Variants in RUBCN observed in about 807,000 individuals in gnomAD.
RUBCN encodes run domain Beclin-1-interacting and cysteine-rich domain-containing protein.
In RUBCN, 74 loss-of-function variants were observed where a neutral mutation model predicts 113.2. The ratio of observed to expected loss-of-function variants is 0.65; its 90% CI spans 0.54 to 0.79. The LOEUF (loss-of-function observed/expected upper bound fraction) is 0.79. RUBCN is among the 30% of genes least tolerant of loss of function. The pLI is 0.00. For synonymous variants in RUBCN, 480 were observed against 490.0 expected, an observed-to-expected ratio of 0.98 and a Z score of 0.27; for missense variants, 1,109 against 1,251.7, an observed-to-expected ratio of 0.89 and a Z score of 1.72.
Position 197,681,872 on chromosome 3 carries a change from A to G in RUBCN, c.2154T>C (p.Asn718=). 6.2e-7 allele frequency: 1 copy of G among 1,613,990 alleles called. No individual in the cohort carries two copies. Among genetic ancestry groups the G allele is most frequent in the Non-Finnish European group, 8.5e-7 (1 of 1,179,982 alleles). The part of the protein sequence containing the change: ...PTRKIAVAKQ[N]YRCAGCGIRT... Reference sequence around the variant, plus strand: ...GGATGCCACATCCTGCACAGCGGTAATTCTGCTTGGCCACGGCAATTTTCC... The same window carrying G: ...GGATGCCACATCCTGCACAGCGGTAGTTCTGCTTGGCCACGGCAATTTTCC... Residue 718 remains asparagine, a synonymous_variant, in exon 15 of 20, where the codon AAT becomes AAC. Coordinates refer to ENST00000296343, the MANE Select transcript of RUBCN (RefSeq NM_014687.4). This position sits in a 1 kb window ranked among gnomAD's most constrained non-coding sequence, Gnocchi z 5.5.
rs553911152 is a variant in RUBCN at position 197,669,334 on chromosome 3, C to T, written c.*5684G>A. 1.0e-3 allele frequency among the ~76,000 whole-genome samples: 159 copies of T among 152,342 alleles called. No individual in the cohort carries two copies. The highest frequency in any genetic ancestry group is 3.8e-3 in the African/African-American group (157 of 41,578). The stretch of plus-strand genomic sequence containing the variant: ...GGGATCCCACATGGCATTCAGTCAT[C>T]GTATCTGCTTAGTCTCCTCTCGTCC... On this transcript the variant is annotated 3_prime_UTR_variant, in exon 20 of 20. Coordinates refer to ENST00000296343, the MANE Select transcript of RUBCN (RefSeq NM_014687.4).
Position 197,700,947 on chromosome 3 carries a change from G to A in RUBCN, c.927C>T (p.Ser309=). Reference sequence around the variant, plus strand: ...CATCACCTGGGGAATCATTCTGGCTGCTGACCCAGGATGCCTCTATGGGGC... The same window carrying A: ...CATCACCTGGGGAATCATTCTGGCTACTGACCCAGGATGCCTCTATGGGGC... ...LTSPIEASWV[S]SQNDSPGDAS... Residue 309 remains serine, a synonymous_variant, in exon 7 of 20, where the codon AGC becomes AGT. Transcript: ENST00000296343. 6.2e-7 allele frequency: 1 copy of A among 1,614,212 alleles called. No homozygotes were observed. Among genetic ancestry groups the A allele is most frequent in the Non-Finnish European group, 8.5e-7 (1 of 1,180,044 alleles).
intron 11 of RUBCN, among the ~76,000 whole-genome samples, chr3:197,689,983 C>A (rs941163089): frequency 6.6e-6 from 1 of 152,190 alleles, no homozygotes; most frequent in East Asian, 1.9e-4. Flanking sequence ...GCCTCTGTAA[C>A]TATCACTCTC....
At chr3:197,707,426 G>GAA (rs142893067) in intron 2 of RUBCN, among the ~76,000 whole-genome samples, 3 of 151,492 alleles carry the variant, frequency 2.0e-5, no homozygotes, top group African/African-American at 7.3e-5. Flanking sequence ...TTTTGTTTGG[G>GAA]AAAAAAAATG....
chr3:197,672,037 C>A lies in RUBCN; in HGVS notation c.*2981G>T, dbSNP rs1719836992. The A allele has an allele frequency of 6.6e-6, 1 of 152,178 alleles. No homozygotes were observed. Among genetic ancestry groups the A allele is most frequent in the Non-Finnish European group, 1.5e-5 (1 of 68,044 alleles). 9.4% of individuals were successfully genotyped at this position (152,178 alleles called of 1,614,324 possible). A position where few individuals can be genotyped will look rare whatever the true frequency, so the allele number is the denominator to read the frequency against. On this transcript the variant is annotated 3_prime_UTR_variant, in exon 20 of 20. Transcript: ENST00000296343. ...GTTTATTAAAGATGACAATGAACTG[C>A]CAGGCTGCACAAGCACCACAGCAGG...
In RUBCN at chr3:197,701,007, C is replaced by T; in HGVS notation, c.867G>A (p.Leu289=). The T allele has an allele frequency of 6.2e-7, 1 of 1,614,150 alleles. No individual in the cohort carries two copies. Among genetic ancestry groups the T allele is most frequent in the Non-Finnish European group, 8.5e-7 (1 of 1,180,026 alleles). Residue 289 remains leucine, a synonymous_variant, in exon 7 of 20, where the codon TTG becomes TTA. Coordinates refer to ENST00000296343, the MANE Select transcript of RUBCN (RefSeq NM_014687.4). ...TACTGGAGCTCATTTCATTTGGGGT[C>T]AAAGGGGAATCCCTGGCTAGTGCAG... ...SVSALARDSP[L]TPNEMSSSTL...
intron 9 of RUBCN, 94 bp downstream of exon 9, chr3:197,695,772 T>C: frequency 8.9e-7 from 1 of 1,126,210 alleles, no homozygotes. Context: ...TACTGTAATC[T>C]ATACCCAAAA....
Position 197,682,734 on chromosome 3 carries a change from G to A in RUBCN, c.1981-119C>T, listed in dbSNP as rs115329956. The A allele has an allele frequency of 5.3e-4, 703 of 1,333,884 alleles. 1 individual carries two copies. In the African/African-American group the frequency reaches 8.8e-3, roughly 17 times the overall value. The allele number at this position is 1,333,884 out of a possible 1,614,324, so 82.6% of individuals were successfully genotyped here. A position where few individuals can be genotyped will look rare whatever the true frequency, so the allele number is the denominator to read the frequency against. ...AAACACAGTTGGGGTAAGTTCACACGGACGGGCTTGAGAAACAGAAATGCG... is the reference window on the plus strand; with the variant it reads ...AAACACAGTTGGGGTAAGTTCACACAGACGGGCTTGAGAAACAGAAATGCG... On this transcript the variant is annotated intron_variant, in intron 13 of 19. Transcript: ENST00000296343.
chr3:197,690,983 C>T (rs1034454602), intron 11 of RUBCN: 1 of 665,066 alleles, frequency 1.5e-6, no homozygotes. Context: ...GTAACCTTGA[C>T]AGTTATCACA....
intron 8 of RUBCN, 113 bp from the exon 9 acceptor site, chr3:197,696,094 A>G: frequency 2.0e-6 from 2 of 985,078 alleles, no homozygotes; most frequent in South Asian, 2.7e-5. Context: ...AGAGGTTGGA[A>G]GAAGATGTCC....
Position 197,681,483 on chromosome 3 carries a change from CCT to C in RUBCN, c.2192-118_2192-117del, listed in dbSNP as rs995674663. The C allele has an allele frequency of 1.8e-5, 14 of 785,364 alleles. No individual in the cohort carries two copies. The African/African-American group carries it at 2.2e-4, about 12-fold the overall frequency. 48.6% of individuals were successfully genotyped at this position (785,364 alleles called of 1,614,324 possible). ...AGGGACAGCCAATGGCCTCCAGCAA[CCT>C]CTGTCTGAGTTCCCCAAAGCTTGCA... On this transcript the variant is annotated intron_variant, in intron 15 of 19. Transcript: ENST00000296343. The surrounding 1 kb of genome is among the most constrained non-coding windows in gnomAD (Gnocchi z 5.5).
chr3:197,679,842 C>T (rs1361745067), intron 16 of RUBCN, among the ~76,000 whole-genome samples: 7 of 128,056 alleles, frequency 5.5e-5, no homozygotes, highest in African/African-American at 8.9e-5. Context: ...ACAACTGGCT[C>T]CAGACTGTCC....
At chr3:197,715,286 T>C (rs1725393826) in intron 2 of RUBCN, among the ~76,000 whole-genome samples, 4 of 128,364 alleles carry the variant, frequency 3.1e-5, no homozygotes, top group Admixed American at 1.8e-4. Flanking sequence ...CGAAACTCTA[T>C]CTTGAAAAAA....
At chr3:197,696,072 TA>T in intron 8 of RUBCN, 91 bp from the exon 9 acceptor site, 1 of 1,230,788 alleles carries the variant, frequency 8.1e-7, no homozygotes, top group Non-Finnish European at 1.2e-6. Context: ...TCTTCCCAGG[TA>T]ACTGGGAATT....
intron 1 of RUBCN, among the ~76,000 whole-genome samples, chr3:197,730,661 A>G (rs1281079192): frequency 6.6e-6 from 1 of 150,642 alleles, no homozygotes; most frequent in African/African-American, 2.4e-5. Flanking sequence ...GGGAGCCCAC[A>G]CCATTTATTG....
chr3:197,705,618 A>T (rs534919227), intron 2 of RUBCN, among the ~76,000 whole-genome samples: 2 of 151,876 alleles, frequency 1.3e-5, no homozygotes, highest in Non-Finnish European at 2.9e-5. Context: ...GGAATACTAC[A>T]CTTGACATAT....
rs139216906 is a variant in RUBCN, at chr3:197,669,909, G to C, written c.*5109C>G. ...TATCATAATTTATTTTTTTGTTTGAGACAGAGTCCCACTCTGTTGCCCAGG... is the reference window on the plus strand; with the variant it reads ...TATCATAATTTATTTTTTTGTTTGACACAGAGTCCCACTCTGTTGCCCAGG... On this transcript the variant is annotated 3_prime_UTR_variant, in exon 20 of 20. Transcript: ENST00000296343. Among the ~76,000 whole-genome samples the C allele has an allele frequency of 2.1e-3, 313 of 152,092 alleles. 2 individuals carry two copies. Among genetic ancestry groups the C allele is most frequent in the African/African-American group, 6.1e-3 (252 of 41,494 alleles).
At chr3:197,737,729 T>C (rs1054874678), upstream of RUBCN, among the ~76,000 whole-genome samples, 1 of 152,064 alleles carries the variant, frequency 6.6e-6, no homozygotes, top group Non-Finnish European at 1.5e-5. Flanking sequence ...CTTTTGACAA[T>C]GTGGACAGGA....
intron 4 of RUBCN, among the ~76,000 whole-genome samples, chr3:197,704,148 A>AG (rs1474030309): frequency 6.6e-6 from 1 of 152,214 alleles, no homozygotes; most frequent in East Asian, 1.9e-4. Context: ...GAAAAACAGG[A>AG]GGCCCTGCCG....
Sources: gnomAD v4.1 joint callset for allele counts (sites outside exome capture counted in the v4.1 genomes callset) on GRCh38, gnomAD v4.1.1 for gene constraint, Gnocchi (gnomAD v3.1) non-coding constraint, MANE v1.5 for transcripts, NCBI Gene and HGNC (gene_info 2026-07-23, HGNC 2026-07-21) for gene names.